IGF1R: variants seen among roughly 807,000 people sequenced by gnomAD.
IGF1R encodes the protein insulin-like growth factor 1 receptor.
In IGF1R, 44 loss-of-function variants were observed where a neutral mutation model predicts 144.6. That is an observed-to-expected ratio of 0.30 (90% CI 0.24 to 0.39). The LOEUF is 0.39. Among genes scored for constraint, IGF1R ranks in the 10% least tolerant of loss-of-function variants. The pLI is 1.00. For missense variants in IGF1R, 1,355 were observed against 1,833.7 expected (o/e 0.74, Z 4.77); for synonymous variants, 795 against 722.8 (o/e 1.10, Z -1.60).
chr15:98,682,921 A>G (rs1030092654), intron 1 of IGF1R, among the ~76,000 whole-genome samples: 2 of 151,490 alleles, frequency 1.3e-5, no homozygotes, highest in Admixed American at 6.6e-5. Flanking sequence ...TTTTCTTGCT[A>G]TGCATTTAAG....
intron 2 of IGF1R, among the ~76,000 whole-genome samples, chr15:98,870,379 G>T (rs556320408): frequency 1.3e-5 from 2 of 152,330 alleles, no homozygotes; most frequent in South Asian, 4.1e-4. Context: ...CTGCAGGAAT[G>T]GCACCTACTC....
chr15:98,792,367 GAGACTA>G (rs2056146462), intron 2 of IGF1R, among the ~76,000 whole-genome samples: 1 of 152,176 alleles, frequency 6.6e-6, no homozygotes, highest in African/African-American at 2.4e-5. Context: ...TGCATCCTGA[GAGACTA>G]GAGCACTCTC....
intron 15 of IGF1R, among the ~76,000 whole-genome samples, chr15:98,933,950 T>G (rs1438368332): frequency 6.6e-6 from 1 of 152,190 alleles, no homozygotes; most frequent in East Asian, 1.9e-4. Context: ...AGTTCAGCTT[T>G]GTAACCGCAA....
In IGF1R at chr15:98,838,009, A is replaced by G. The variant is rs2011117403; in HGVS notation, c.641-53316A>G. On this transcript the variant is annotated intron_variant, in intron 2 of 20. Coordinates refer to ENST00000650285, the MANE Select transcript of IGF1R (RefSeq NM_000875.5). ...CAAAGCCCATTTGAGAATTTACAAA[A>G]TCATTTTCACGGCCTGAGAGTCTTT... 2.0e-5 allele frequency among the ~76,000 whole-genome samples: 3 copies of G among 152,182 alleles called. No homozygotes were observed. In the South Asian group the frequency reaches 6.2e-4, roughly 32 times the overall value.
chr15:98,687,602 C>T (rs767866643), intron 1 of IGF1R, among the ~76,000 whole-genome samples: 4 of 152,076 alleles, frequency 2.6e-5, no homozygotes, highest in Non-Finnish European at 5.9e-5. Flanking sequence ...GGAAAGTCCG[C>T]CTTGGTAGTA....
At chr15:98,791,409 A>G (rs2056124767) in intron 2 of IGF1R, among the ~76,000 whole-genome samples, 2 of 152,340 alleles carry the variant, frequency 1.3e-5, no homozygotes, top group East Asian at 1.9e-4. Flanking sequence ...CATTTTACTC[A>G]TAAAAGGATG....
intron 2 of IGF1R, among the ~76,000 whole-genome samples, chr15:98,754,348 C>T (rs183788813): frequency 7.2e-4 from 109 of 152,294 alleles, no homozygotes; most frequent in Middle Eastern, 3.4e-3. Flanking sequence ...GTCCTTTTCT[C>T]ATTGTCCAAA....
chr15:98,836,855 A>G (rs1187335553), intron 2 of IGF1R, among the ~76,000 whole-genome samples: 1 of 151,982 alleles, frequency 6.6e-6, no homozygotes, highest in Non-Finnish European at 1.5e-5. Flanking sequence ...TCATCATTAA[A>G]CTCATTTTTA....
rs949469965 is a variant in IGF1R, at chr15:98,963,115, C to G, written c.*5673C>G. ...ATGTTTCATTGCATTTTTGTAAGAACAGAATAATTTTATAAAATGTTTGTA... is the reference window on the plus strand; with the variant it reads ...ATGTTTCATTGCATTTTTGTAAGAAGAGAATAATTTTATAAAATGTTTGTA... On this transcript the variant is annotated 3_prime_UTR_variant, in exon 21 of 21. Transcript: ENST00000650285. The G allele has an allele frequency of 1.7e-5, 4 of 232,246 alleles. No homozygotes were observed. The highest frequency in any genetic ancestry group is 8.9e-5 in the African/African-American group (4 of 45,008). The allele number at this position is 232,246 out of a possible 1,614,324, so 14.4% of individuals were successfully genotyped here.
chr15:98,864,202 G>A (rs955361527), intron 2 of IGF1R, among the ~76,000 whole-genome samples: 11 of 152,172 alleles, frequency 7.2e-5, no homozygotes, highest in African/African-American at 2.7e-4. Context: ...CTGCAGTGAG[G>A]TGTGATCATG....
At chr15:98,800,684 G>A (rs1030703818) in intron 2 of IGF1R, among the ~76,000 whole-genome samples, 24 of 152,140 alleles carry the variant, frequency 1.6e-4, no homozygotes, top group Non-Finnish European at 2.8e-4. Context: ...CTTCTCAAGG[G>A]GAGGCGAACT....
At chr15:98,919,166 C>T (rs189885914) in intron 10 of IGF1R, among the ~76,000 whole-genome samples, 9 of 152,278 alleles carry the variant, frequency 5.9e-5, no homozygotes, top group Non-Finnish European at 8.8e-5. Flanking sequence ...ATTAAGAATC[C>T]GTTTGGGACC....
intron 1 of IGF1R, among the ~76,000 whole-genome samples, chr15:98,670,804 A>AT (rs1034782410): frequency 1.3e-5 from 2 of 151,808 alleles, no homozygotes; most frequent in East Asian, 1.9e-4. Context: ...ATTTTCTTCT[A>AT]TTTTTTTTCT....
chr15:98,691,848 A>T (rs915114655), intron 1 of IGF1R, among the ~76,000 whole-genome samples: 1 of 152,174 alleles, frequency 6.6e-6, no homozygotes, highest in South Asian at 2.1e-4. Context: ...TGAGGGTTGG[A>T]TCTCTAGAAG....
At chr15:98,903,998 G>A (rs775810261) in intron 5 of IGF1R, among the ~76,000 whole-genome samples, 1 of 151,984 alleles carries the variant, frequency 6.6e-6, no homozygotes, top group Non-Finnish European at 1.5e-5. Flanking sequence ...GAGTAGTGGT[G>A]ATGGTTGGAC....
chr15:98,754,020 C>T (rs1485571896), intron 2 of IGF1R, among the ~76,000 whole-genome samples: 2 of 152,172 alleles, frequency 1.3e-5, no homozygotes, highest in Non-Finnish European at 2.9e-5. Flanking sequence ...TCAGGGAAGC[C>T]TTGTTTTCCT....
intron 2 of IGF1R, among the ~76,000 whole-genome samples, chr15:98,799,077 G>C (rs927366255): frequency 6.6e-6 from 1 of 152,090 alleles, no homozygotes; most frequent in African/African-American, 2.4e-5. Context: ...GGGTAACTAT[G>C]CCCCTACCCC....
At chr15:98,872,742 C>A (rs1310066877) in intron 2 of IGF1R, among the ~76,000 whole-genome samples, 1 of 152,094 alleles carries the variant, frequency 6.6e-6, no homozygotes, top group Non-Finnish European at 1.5e-5. Context: ...AGTCCCTGTT[C>A]TTGCATGGGC....
rs561957671 is a variant in IGF1R, at chr15:98,796,100, G to A, written c.640+87993G>A. ...ACACAGATCCCCAGCACATATGAAC[G>A]TGAAAGAGGCTTCTCCGTGGGAGCG... On this transcript the variant is annotated intron_variant, in intron 2 of 20. Transcript: ENST00000650285. Among the ~76,000 whole-genome samples the A allele has an allele frequency of 3.9e-4, 60 of 152,280 alleles. No individual in the cohort carries two copies. The South Asian group carries it at 9.7e-3, about 25-fold the overall frequency.
Sources: gnomAD v4.1 joint callset for allele counts (sites outside exome capture counted in the v4.1 genomes callset) on GRCh38, gnomAD v4.1.1 for gene constraint, MANE v1.5 for transcripts, NCBI Gene and HGNC (gene_info 2026-07-23, HGNC 2026-07-21) for gene names.